Variants in MDGA2 observed in about 807,000 individuals in gnomAD.
MDGA2 encodes the protein MAM domain containing glycosylphosphatidylinositol anchor 2, also known as MAM domain-containing glycosylphosphatidylinositol anchor protein 2.
In MDGA2, 40 loss-of-function variants were observed where a neutral mutation model predicts 117.8. The observed-to-expected ratio is 0.34, with a 90% CI of 0.26 to 0.44. The LOEUF (loss-of-function observed/expected upper bound fraction) is 0.44, where lower values mean the gene tolerates loss of function less well. MDGA2 is among the 20% of genes least tolerant of loss of function. The pLI, the probability that MDGA2 is intolerant of heterozygous loss-of-function variation, is 1.00. For synonymous variants in MDGA2, 452 were observed against 439.0 expected (o/e 1.03, Z -0.37); for missense variants, 1,123 against 1,250.6 (o/e 0.90, Z 1.54).
intron 9 of MDGA2, among the ~76,000 whole-genome samples, chr14:46,921,642 A>C (rs1420945225): frequency 6.6e-6 from 1 of 152,030 alleles, no homozygotes; most frequent in Non-Finnish European, 1.5e-5. Context: ...AAAGAAAAAA[A>C]AGAAAAGTCT....
chr14:47,167,337 A>C (rs142709508), intron 3 of MDGA2, among the ~76,000 whole-genome samples: 1 of 152,286 alleles, frequency 6.6e-6, no homozygotes, highest in East Asian at 1.9e-4. Context: ...AAAACTAATA[A>C]TGCAGTTTAA....
intron 8 of MDGA2, among the ~76,000 whole-genome samples, chr14:46,996,093 G>A (rs2138456295): frequency 6.6e-6 from 1 of 152,200 alleles, no homozygotes; most frequent in Middle Eastern, 3.4e-3. Flanking sequence ...AAGTCCTTAA[G>A]CAGCATCCTG....
At chr14:47,621,551 G>C (rs1897050254) in intron 1 of MDGA2, among the ~76,000 whole-genome samples, 1 of 152,050 alleles carries the variant, frequency 6.6e-6, no homozygotes, top group African/African-American at 2.4e-5. Context: ...CATGCCCCCA[G>C]AGCAAACAGC....
intron 1 of MDGA2, among the ~76,000 whole-genome samples, chr14:47,353,390 C>T (rs1347009464): frequency 6.6e-6 from 1 of 152,138 alleles, no homozygotes; most frequent in African/African-American, 2.4e-5. Context: ...ACAGTTGCTG[C>T]TGCCAGGAAA....
At chr14:47,278,484 C>G (rs1213542482) in intron 2 of MDGA2, among the ~76,000 whole-genome samples, 3 of 151,984 alleles carry the variant, frequency 2.0e-5, no homozygotes, top group African/African-American at 4.8e-5. Flanking sequence ...CATAAACTGT[C>G]AGGAGCCAAG....
At chr14:47,413,331 T>G (rs1290623249) in intron 1 of MDGA2, among the ~76,000 whole-genome samples, 1 of 152,088 alleles carries the variant, frequency 6.6e-6, no homozygotes, top group African/African-American at 2.4e-5. Context: ...GCCAAGAAAA[T>G]TACTAAGTCT....
At position 47,062,654 on chromosome 14, in the gene MDGA2, T is replaced by C. The variant is rs540597378; in HGVS notation, c.1196-1076A>G. ...TAAGCCTAAATATGTAATGATATTG[T>C]CAAAAATGCCATGAATTTAGAGGAC... On this transcript the variant is annotated intron_variant, in intron 6 of 16. Coordinates refer to ENST00000399232, the MANE Select transcript of MDGA2 (RefSeq NM_001113498.3). Among the ~76,000 whole-genome samples the C allele has an allele frequency of 7.9e-5, 12 of 152,078 alleles. No individual in the cohort carries two copies. The South Asian group carries it at 2.5e-3, about 32-fold the overall frequency.
chr14:47,173,930 T>C (rs556761243), intron 3 of MDGA2, among the ~76,000 whole-genome samples: 1 of 151,716 alleles, frequency 6.6e-6, no homozygotes, highest in African/African-American at 2.4e-5. Flanking sequence ...ACACATAGGC[T>C]CAAAATAAAA....
intron 9 of MDGA2, among the ~76,000 whole-genome samples, chr14:46,944,247 T>C (rs1885093656): frequency 6.6e-6 from 1 of 152,036 alleles, no homozygotes. Context: ...AGACATAAAA[T>C]ATAAATTGAC....
intron 9 of MDGA2, among the ~76,000 whole-genome samples, chr14:46,940,167 A>G (rs1884943103): frequency 7.0e-6 from 1 of 142,656 alleles, no homozygotes; most frequent in African/African-American, 2.6e-5. Flanking sequence ...CTATATCACT[A>G]TTTGAAAGTA....
At chr14:47,442,691 C>G (rs1267308600) in intron 1 of MDGA2, among the ~76,000 whole-genome samples, 1 of 152,112 alleles carries the variant, frequency 6.6e-6, no homozygotes, top group Non-Finnish European at 1.5e-5. Context: ...ATACTCTAAT[C>G]CCCACATCCA....
At chr14:47,146,457 C>T (rs746093539) in intron 3 of MDGA2, among the ~76,000 whole-genome samples, 2 of 152,012 alleles carry the variant, frequency 1.3e-5, no homozygotes, top group Admixed American at 6.6e-5. Flanking sequence ...TTATTAAGTT[C>T]GGATATTTAG....
At chr14:47,526,546 C>A (rs1280089770) in intron 1 of MDGA2, among the ~76,000 whole-genome samples, 2 of 152,134 alleles carry the variant, frequency 1.3e-5, no homozygotes, top group Non-Finnish European at 2.9e-5. Context: ...CTCCCCAGGA[C>A]GACTGGACGG....
At chr14:47,304,427 G>A (rs1459734029) in intron 1 of MDGA2, among the ~76,000 whole-genome samples, 1 of 151,980 alleles carries the variant, frequency 6.6e-6, no homozygotes, top group Non-Finnish European at 1.5e-5. Context: ...TCCCAAACTA[G>A]ACCCAGACCT....
intron 14 of MDGA2, among the ~76,000 whole-genome samples, chr14:46,863,503 G>A (rs10130195): frequency 0.061 from 9,216 of 152,196 alleles, 954 homozygotes; most frequent in African/African-American, 0.21. Context: ...AATACCCATT[G>A]TAATAAATCC....
intron 10 of MDGA2, among the ~76,000 whole-genome samples, chr14:46,901,368 A>G (rs1883280028): frequency 6.6e-6 from 1 of 152,174 alleles, no homozygotes; most frequent in African/African-American, 2.4e-5. Flanking sequence ...AAAGAAATAT[A>G]AAATATTGGA....
intron 5 of MDGA2, among the ~76,000 whole-genome samples, chr14:47,116,631 C>G (rs1485687318): frequency 6.6e-5 from 10 of 151,684 alleles, no homozygotes; most frequent in Admixed American, 5.3e-4. Flanking sequence ...ACAAGTGGGT[C>G]AAGAAAACAC....
intron 1 of MDGA2, among the ~76,000 whole-genome samples, chr14:47,408,530 G>A (rs1220358580): frequency 1.3e-5 from 2 of 152,174 alleles, no homozygotes; most frequent in African/African-American, 4.8e-5. Context: ...GGATCCACAT[G>A]CAATAAATGG....
At chr14:46,967,643 C>T (rs915881128) in intron 8 of MDGA2, among the ~76,000 whole-genome samples, 6 of 152,102 alleles carry the variant, frequency 3.9e-5, no homozygotes, top group African/African-American at 1.4e-4. Flanking sequence ...TTCTATTTGG[C>T]TGTTCCTGAG....
Sources: gnomAD v4.1 joint callset for allele counts (sites outside exome capture counted in the v4.1 genomes callset) on GRCh38, gnomAD v4.1.1 for gene constraint, MANE v1.5 for transcripts, NCBI Gene and HGNC (gene_info 2026-07-23, HGNC 2026-07-21) for gene names.